Variants in PTPRD observed in about 807,000 individuals in gnomAD.
PTPRD encodes the protein receptor-type tyrosine-protein phosphatase delta.
PTPRD carries 34 observed loss-of-function variants against 214.5 expected under a neutral mutation model. The ratio of observed to expected loss-of-function variants is 0.16; its 90% CI spans 0.12 to 0.21. The LOEUF is 0.21. Ranked by LOEUF, PTPRD falls within the 10% of genes least tolerant of loss-of-function variation. The pLI is 1.00. For missense variants in PTPRD, 2,545 were observed against 2,398.7 expected (o/e 1.06, Z -1.27); for synonymous variants, 1,128 against 845.7 (o/e 1.33, Z -5.79).
Position 8,565,787 on chromosome 9 carries a change from A to G in PTPRD, c.353-37008T>C, listed in dbSNP as rs541520526. Among the ~76,000 whole-genome samples, 34 of 152,326 alleles carry G rather than the reference A, an allele frequency of 2.2e-4. No homozygotes were observed. In the South Asian group the frequency reaches 6.4e-3, roughly 29 times the overall value. On this transcript the variant is annotated intron_variant, in intron 14 of 45. Coordinates refer to ENST00000381196, the MANE Select transcript of PTPRD (RefSeq NM_002839.4). ...TGCATAGTTTATGAGACGCTTATCA[A>G]AAAGAACTGGGGTAAGTTATTCATC...
intron 10 of PTPRD, among the ~76,000 whole-genome samples, chr9:9,147,035 A>G (rs772635892): frequency 3.3e-5 from 5 of 152,278 alleles, no homozygotes; most frequent in Middle Eastern, 3.4e-3. Context: ...GTGTATATAG[A>G]TAGACTTTAA....
intron 5 of PTPRD, among the ~76,000 whole-genome samples, chr9:9,847,975 C>T (rs565567406): frequency 6.6e-6 from 1 of 152,230 alleles, no homozygotes; most frequent in Admixed American, 6.6e-5. Flanking sequence ...AAACGAAAAT[C>T]ACACAAAGGC....
intron 12 of PTPRD, among the ~76,000 whole-genome samples, chr9:8,706,634 A>T (rs189271098): frequency 6.6e-6 from 1 of 152,338 alleles, no homozygotes; most frequent in East Asian, 1.9e-4. Flanking sequence ...AGGAGCAGAG[A>T]TGCGTGAGCA....
rs1022757260 is a variant in PTPRD at position 9,939,340 on chromosome 9, G to C, written c.-471-730C>G. ...TTGCTCCAGTTTGGTAGACAACTGGGTGGTTGTAAGGAACTCTAAAAATGC... is the reference window on the plus strand; with the variant it reads ...TTGCTCCAGTTTGGTAGACAACTGGCTGGTTGTAAGGAACTCTAAAAATGC... On this transcript the variant is annotated intron_variant, in intron 4 of 45. Transcript: ENST00000381196. Among the ~76,000 whole-genome samples the C allele has an allele frequency of 1.8e-4, 28 of 152,168 alleles. 1 individual carries two copies. The highest frequency in any genetic ancestry group is 5.6e-4 in the African/African-American group (23 of 41,440).
At chr9:8,653,756 T>C (rs551064090) in intron 12 of PTPRD, among the ~76,000 whole-genome samples, 1 of 152,304 alleles carries the variant, frequency 6.6e-6, no homozygotes, top group South Asian at 2.1e-4. Context: ...GATAAAATAA[T>C]GCCATCAAAC....
intron 11 of PTPRD, among the ~76,000 whole-genome samples, chr9:8,998,828 T>A (rs1462528609): frequency 6.6e-6 from 1 of 152,050 alleles, no homozygotes; most frequent in African/African-American, 2.4e-5. Flanking sequence ...ATTAATAGTT[T>A]GAAAGTTAAT....
intron 11 of PTPRD, among the ~76,000 whole-genome samples, chr9:9,000,698 C>T (rs2099414631): frequency 6.6e-6 from 1 of 151,952 alleles, no homozygotes; most frequent in Non-Finnish European, 1.5e-5. Context: ...TTATGCACAT[C>T]TGACTGCTAA....
intron 3 of PTPRD, among the ~76,000 whole-genome samples, chr9:10,201,034 T>A (rs1294284503): frequency 6.6e-6 from 1 of 152,036 alleles, no homozygotes; most frequent in Non-Finnish European, 1.5e-5. Context: ...TTCTAAAGCA[T>A]AATGAATAAT....
chr9:10,277,324 T>A (rs1299910692), intron 3 of PTPRD, among the ~76,000 whole-genome samples: 1 of 151,614 alleles, frequency 6.6e-6, no homozygotes, highest in Non-Finnish European at 1.5e-5. Flanking sequence ...TTATCCCAAA[T>A]CCATTTTCCT....
intron 3 of PTPRD, among the ~76,000 whole-genome samples, chr9:10,114,558 T>A (rs2098715513): frequency 6.6e-6 from 1 of 152,104 alleles, no homozygotes; most frequent in African/African-American, 2.4e-5. Flanking sequence ...TATATGTGCA[T>A]ATATATGCTT....
intron 9 of PTPRD, among the ~76,000 whole-genome samples, chr9:9,339,512 G>A (rs1050304650): frequency 6.6e-6 from 1 of 152,042 alleles, no homozygotes; most frequent in Non-Finnish European, 1.5e-5. Context: ...TTAAGTTGAC[G>A]AATATCACTG....
At chr9:9,128,485 A>G (rs2099837543) in intron 10 of PTPRD, among the ~76,000 whole-genome samples, 1 of 152,210 alleles carries the variant, frequency 6.6e-6, no homozygotes, top group Admixed American at 6.5e-5. Context: ...GCATAATAAC[A>G]TCATGGCCCA....
chr9:9,191,870 G>C (rs991414872), intron 9 of PTPRD, among the ~76,000 whole-genome samples: 12 of 152,054 alleles, frequency 7.9e-5, no homozygotes, highest in Admixed American at 7.2e-4. Flanking sequence ...ATACTGGAAT[G>C]TTGGGGGTAT....
At chr9:8,684,302 C>A (rs1445436404) in intron 12 of PTPRD, among the ~76,000 whole-genome samples, 2 of 152,166 alleles carry the variant, frequency 1.3e-5, no homozygotes, top group Non-Finnish European at 2.9e-5. Context: ...TATATCATCA[C>A]TTCTCCTCAC....
At chr9:8,553,388 TG>T (rs1043926120) in intron 14 of PTPRD, among the ~76,000 whole-genome samples, 15 of 152,146 alleles carry the variant, frequency 9.9e-5, no homozygotes, top group African/African-American at 3.6e-4. Flanking sequence ...TCCCCTGGCG[TG>T]GCGTGAAAAC....
intron 4 of PTPRD, among the ~76,000 whole-genome samples, chr9:9,974,062 T>A (rs1019909630): frequency 6.6e-6 from 1 of 152,198 alleles, no homozygotes; most frequent in Non-Finnish European, 1.5e-5. Context: ...AATTATATTA[T>A]GGAAACAGCT....
intron 4 of PTPRD, among the ~76,000 whole-genome samples, chr9:9,975,867 T>A (rs1012699683): frequency 2.0e-5 from 3 of 152,132 alleles, no homozygotes; most frequent in Non-Finnish European, 4.4e-5. Flanking sequence ...AATGACCAAA[T>A]CCGTAAGATT....
At chr9:9,563,856 C>T (rs1162096539) in intron 8 of PTPRD, among the ~76,000 whole-genome samples, 4 of 152,110 alleles carry the variant, frequency 2.6e-5, no homozygotes, top group Non-Finnish European at 5.9e-5. Flanking sequence ...TTTACCTGAG[C>T]ATTTAAATCT....
chr9:9,575,694 T>A (rs1396066423), intron 7 of PTPRD, among the ~76,000 whole-genome samples: 60 of 110,682 alleles, frequency 5.4e-4, no homozygotes, highest in African/African-American at 2.1e-3. Flanking sequence ...CACTCCAGCC[T>A]GGGTGACAGA....
Sources: gnomAD v4.1 joint callset for allele counts (sites outside exome capture counted in the v4.1 genomes callset) on GRCh38, gnomAD v4.1.1 for gene constraint, MANE v1.5 for transcripts, NCBI Gene and HGNC (gene_info 2026-07-23, HGNC 2026-07-21) for gene names.